Variants in CCSER1 observed in about 807,000 individuals in gnomAD.
The protein encoded by CCSER1 is serine-rich coiled-coil domain-containing protein 1.
A neutral mutation model predicts 82.0 loss-of-function variants in CCSER1; 41 were observed. The observed-to-expected ratio is 0.50, with a 90% CI of 0.39 to 0.65. The LOEUF is 0.65. Among genes scored for constraint, CCSER1 ranks in the 30% least tolerant of loss-of-function variants. CCSER1 has a pLI of 0.00. For synonymous variants in CCSER1, 414 were observed against 383.9 expected (o/e 1.08, Z -0.92); for missense variants, 1,119 against 1,064.2 (o/e 1.05, Z -0.72).
chr4:91,490,873 CATATATATATATATATATATAT>C (rs778476142), intron 10 of CCSER1, among the ~76,000 whole-genome samples: 274 of 16,404 alleles, frequency 0.017, 17 homozygotes, highest in East Asian at 0.093. Context: ...TCAGGCACTC[CATATATATATATATATATATAT>C]ATATATATAT....
chr4:90,942,456 A>G (rs189511530), intron 9 of CCSER1, among the ~76,000 whole-genome samples: 133 of 151,976 alleles, frequency 8.8e-4, no homozygotes, highest in Non-Finnish European at 1.4e-3. Context: ...TTATTTTTCT[A>G]TTTTCCTCTT....
At chr4:90,169,779 A>G (rs1731278275) in intron 1 of CCSER1, among the ~76,000 whole-genome samples, 1 of 151,182 alleles carries the variant, frequency 6.6e-6, no homozygotes, top group African/African-American at 2.4e-5. Context: ...CTTTGTCTAC[A>G]TTCTTTAATT....
chr4:90,893,883 C>G (rs928908289), intron 8 of CCSER1, among the ~76,000 whole-genome samples: 3 of 151,150 alleles, frequency 2.0e-5, no homozygotes, highest in African/African-American at 7.3e-5. Context: ...AACTCATTTC[C>G]CGTGTTAAAT....
At chr4:91,431,664 C>T (rs561954188) in intron 10 of CCSER1, among the ~76,000 whole-genome samples, 1 of 151,942 alleles carries the variant, frequency 6.6e-6, no homozygotes, top group African/African-American at 2.4e-5. Context: ...ATGGGGTTTC[C>T]CCATGTTGGT....
At chr4:91,321,867 A>G (rs573790101) in intron 10 of CCSER1, among the ~76,000 whole-genome samples, 2 of 152,190 alleles carry the variant, frequency 1.3e-5, no homozygotes, top group African/African-American at 4.8e-5. Context: ...TATCACACCA[A>G]GAATTTCCAT....
intron 1 of CCSER1, among the ~76,000 whole-genome samples, chr4:90,147,506 C>G (rs1047552579): frequency 1.3e-5 from 2 of 152,026 alleles, no homozygotes; most frequent in Non-Finnish European, 1.5e-5. Flanking sequence ...TGGCCATGTT[C>G]AAGTACCTTA....
chr4:91,336,853 C>T (rs1747359709), intron 10 of CCSER1, among the ~76,000 whole-genome samples: 2 of 151,978 alleles, frequency 1.3e-5, no homozygotes, highest in South Asian at 4.1e-4. Context: ...GGGAAAATAA[C>T]TGTTAATTTG....
rs1723673992 is a variant in CCSER1 at position 90,628,156 on chromosome 4, T to C, written c.1856T>C (p.Leu619Pro). 6.2e-7 allele frequency: 1 copy of C among 1,613,900 alleles called. No homozygotes were observed. The highest frequency in any genetic ancestry group is 8.5e-7 in the Non-Finnish European group (1 of 1,179,820). ...GVEENGGIDS[L>P]PFRLMLQDCT... ...GAAGAAAACGGAGGCATAGATTCTCTGCCATTCAGACTGATGTTACAGGAC... is the reference window on the plus strand; with the variant it reads ...GAAGAAAACGGAGGCATAGATTCTCCGCCATTCAGACTGATGTTACAGGAC... Residue 619 changes from leucine to proline, a missense_variant, in exon 6 of 11, where the codon CTG (leucine) becomes CCG (proline). Coordinates refer to ENST00000509176, the MANE Select transcript of CCSER1 (RefSeq NM_001145065.2).
chr4:90,204,850 G>C (rs979504104), intron 1 of CCSER1, among the ~76,000 whole-genome samples: 2 of 152,090 alleles, frequency 1.3e-5, no homozygotes, highest in Non-Finnish European at 1.5e-5. Context: ...CCATTTGTTT[G>C]TGTCCTCTCT....
intron 1 of CCSER1, among the ~76,000 whole-genome samples, chr4:90,224,804 A>G (rs950748091): frequency 4.6e-5 from 7 of 152,184 alleles, no homozygotes; most frequent in Non-Finnish European, 1.0e-4. Context: ...TCAGTACTGT[A>G]AGGGCTCCAT....
At chr4:90,831,194 G>A (rs1206678619) in intron 8 of CCSER1, among the ~76,000 whole-genome samples, 1 of 152,122 alleles carries the variant, frequency 6.6e-6, no homozygotes, top group Non-Finnish European at 1.5e-5. Flanking sequence ...GATATGCGAA[G>A]AGATGCCATT....
chr4:91,455,271 T>C (rs920155094), intron 10 of CCSER1, among the ~76,000 whole-genome samples: 1 of 152,092 alleles, frequency 6.6e-6, no homozygotes, highest in Non-Finnish European at 1.5e-5. Context: ...TACTGTGCTG[T>C]AGTCATTTAT....
intron 10 of CCSER1, among the ~76,000 whole-genome samples, chr4:91,270,185 A>G (rs895463369): frequency 6.6e-6 from 1 of 152,144 alleles, no homozygotes; most frequent in African/African-American, 2.4e-5. Flanking sequence ...TCTTATGTTT[A>G]TATTTCCATT....
chr4:90,740,556 C>T (rs751721391), intron 7 of CCSER1, among the ~76,000 whole-genome samples: 1 of 152,106 alleles, frequency 6.6e-6, no homozygotes, highest in African/African-American at 2.4e-5. Flanking sequence ...TGTCTATTAG[C>T]ATCATATTGC....
At chr4:91,411,525 T>TATATATATATATATATAA (rs1206328984) in intron 10 of CCSER1, among the ~76,000 whole-genome samples, 1 of 129,548 alleles carries the variant, frequency 7.7e-6, no homozygotes, top group East Asian at 2.5e-4. Context: ...TATATATATA[T>TATATATATATATATATAA]AAAATCTTGA....
At chr4:91,337,538 T>A (rs988664241) in intron 10 of CCSER1, among the ~76,000 whole-genome samples, 1 of 152,124 alleles carries the variant, frequency 6.6e-6, no homozygotes, top group Non-Finnish European at 1.5e-5. Flanking sequence ...GGACTGCAGC[T>A]TCTTTACGTA....
chr4:90,841,345 G>A (rs375832409), intron 8 of CCSER1, among the ~76,000 whole-genome samples: 4 of 152,162 alleles, frequency 2.6e-5, no homozygotes, highest in East Asian at 3.9e-4. Flanking sequence ...TTGGGAGGCC[G>A]AGGCGGGTAG....
intron 1 of CCSER1, among the ~76,000 whole-genome samples, chr4:90,261,555 A>G (rs1724336949): frequency 6.6e-6 from 1 of 152,138 alleles, no homozygotes; most frequent in Non-Finnish European, 1.5e-5. Flanking sequence ...TTGACTTTAG[A>G]TAGCCTGATG....
chr4:91,419,784 G>A (rs1753589410), intron 10 of CCSER1, among the ~76,000 whole-genome samples: 1 of 151,942 alleles, frequency 6.6e-6, no homozygotes, highest in Non-Finnish European at 1.5e-5. Flanking sequence ...GACATCACAT[G>A]TACTAATTCC....
Sources: allele counts gnomAD v4.1 joint callset (sites outside exome capture counted in the v4.1 genomes callset), GRCh38; gene constraint gnomAD v4.1.1; transcripts MANE v1.5; gene names NCBI Gene and HGNC (gene_info 2026-07-23, HGNC 2026-07-21).